Variants in LARP1B observed in about 807,000 individuals in gnomAD.
LARP1B encodes La ribonucleoprotein 1B, also known as la-related protein 1B.
LARP1B carries 76 observed loss-of-function variants against 114.2 expected under a neutral mutation model. That is an observed-to-expected ratio of 0.67 (90% CI 0.55 to 0.81). LARP1B has a LOEUF of 0.81. LARP1B is among the 30% of genes least tolerant of loss of function. The probability of loss-of-function intolerance (pLI) is 0.00; values close to 1 mark genes in which losing one functional copy is unlikely to be tolerated. For synonymous variants in LARP1B, 345 were observed against 348.0 expected (o/e 0.99, Z 0.10); for missense variants, 1,014 against 1,075.8 (o/e 0.94, Z 0.80).
At chr4:128,137,601 A>T (rs1425792401) in intron 11 of LARP1B, among the ~76,000 whole-genome samples, 4 of 151,860 alleles carry the variant, frequency 2.6e-5, no homozygotes, top group Non-Finnish European at 5.9e-5. Flanking sequence ...ATAATTGTAT[A>T]TATTTATGGG....
chr4:128,173,262 C>T (rs892320177), intron 12 of LARP1B, among the ~76,000 whole-genome samples: 1 of 152,072 alleles, frequency 6.6e-6, no homozygotes, highest in Non-Finnish European at 1.5e-5. Context: ...TTACATATGG[C>T]CTCTCGCTGT....
In LARP1B at chr4:128,211,142, A is replaced by T. The variant is rs1240030996; in HGVS notation, c.*1089A>T. 1.1e-6 allele frequency: 1 copy of T among 912,112 alleles called. No individual in the cohort carries two copies. The highest frequency in any genetic ancestry group is 1.8e-5 in the African/African-American group (1 of 55,834). The allele number at this position is 912,112 out of a possible 1,614,324, so 56.5% of individuals were successfully genotyped here. On this transcript the variant is annotated 3_prime_UTR_variant, in exon 20 of 20. Coordinates refer to ENST00000326639, the MANE Select transcript of LARP1B (RefSeq NM_018078.4). ...TAAAGCACTTATTCTGAATTTTTTGAATTGATTTTTAATTATTTTTATTTA... is the reference window on the plus strand; with the variant it reads ...TAAAGCACTTATTCTGAATTTTTTGTATTGATTTTTAATTATTTTTATTTA...
At chr4:128,184,230 G>A (rs777091176) in intron 15 of LARP1B, among the ~76,000 whole-genome samples, 18 of 152,240 alleles carry the variant, frequency 1.2e-4, no homozygotes, top group Non-Finnish European at 2.4e-4. Context: ...GAAAACTTGG[G>A]AACAGAAGAG....
At chr4:128,190,679 C>T (rs1751979583) in intron 15 of LARP1B, among the ~76,000 whole-genome samples, 1 of 152,154 alleles carries the variant, frequency 6.6e-6, no homozygotes, top group South Asian at 2.1e-4. Context: ...TGCTTCCCCT[C>T]CCACCACGAT....
intron 10 of LARP1B, among the ~76,000 whole-genome samples, chr4:128,121,232 G>A (rs1787863692): frequency 6.6e-6 from 1 of 152,246 alleles, no homozygotes; most frequent in Non-Finnish European, 1.5e-5. Flanking sequence ...TATTATCATT[G>A]TGAGGTAAAA....
intron 8 of LARP1B, among the ~76,000 whole-genome samples, chr4:128,106,871 T>C (rs1183939179): frequency 1.3e-5 from 2 of 152,210 alleles, no homozygotes; most frequent in African/African-American, 4.8e-5. Flanking sequence ...AATTTGCTTC[T>C]AGCTGATTCA....
intron 15 of LARP1B, among the ~76,000 whole-genome samples, chr4:128,181,060 T>C (rs1281877220): frequency 6.6e-6 from 1 of 152,230 alleles, no homozygotes; most frequent in Non-Finnish European, 1.5e-5. Flanking sequence ...GGGTCTTTCT[T>C]TGCTTTTTAT....
Position 128,206,492 on chromosome 4 carries a change from ATT to A in LARP1B, c.2378_2379del (p.Phe793SerfsTer32). On this transcript the variant is annotated frameshift_variant, in exon 18 of 20. Transcript: ENST00000326639. LOFTEE classifies it high-confidence loss of function. ...ACTGGAAAAAAAATTCAGGCGAGAAATTTTTCAGGATTTCCAAGAAGAAACCA... is the reference window on the plus strand; with the variant it reads ...ACTGGAAAAAAAATTCAGGCGAGAAATTTCAGGATTTCCAAGAAGAAACCA... Reference protein sequence around the residue: ...YGLEKKFRREIFQDFQEETKK... With the variant: ...YGLEKKFRREXFQDFQEETKK... 6.2e-7 allele frequency: 1 copy of A among 1,613,500 alleles called. No individual in the cohort carries two copies. Among genetic ancestry groups the A allele is most frequent in the Non-Finnish European group, 8.5e-7 (1 of 1,179,838 alleles).
intron 11 of LARP1B, among the ~76,000 whole-genome samples, chr4:128,157,542 C>A (rs1027875319): frequency 3.3e-5 from 5 of 152,090 alleles, no homozygotes; most frequent in Admixed American, 2.0e-4. Context: ...AAAACCTCAT[C>A]AAGACCATAT....
At chr4:128,118,082 A>ATTTTTTTT (rs34699544) in intron 10 of LARP1B, among the ~76,000 whole-genome samples, 10 of 76,734 alleles carry the variant, frequency 1.3e-4, no homozygotes, top group Admixed American at 1.9e-4. Flanking sequence ...GGCCCGGCTA[A>ATTTTTTTT]TTTTTTTTTT....
chr4:128,076,225 G>C (rs564889266), intron 3 of LARP1B, among the ~76,000 whole-genome samples: 1 of 151,776 alleles, frequency 6.6e-6, no homozygotes, highest in Non-Finnish European at 1.5e-5. Flanking sequence ...TGTTGGTCTC[G>C]AACTCCTGAC....
rs1759772029 is a variant in LARP1B, at chr4:128,219,145, A to G, written n.849-1210A>G. Among the ~76,000 whole-genome samples the G allele has an allele frequency of 2.6e-5, 4 of 151,240 alleles. No homozygotes were observed. The South Asian group carries it at 6.3e-4, about 24-fold the overall frequency. On this transcript the variant is annotated intron_variant and non_coding_transcript_variant, in intron 6 of 7. Coordinates refer to the LARP1B transcript ENST00000503725. ...GCAATCATTCAAAAGTCAGGAAACA[A>G]CAGGTGCTGGAGAGGATGTGGAGAA...
chr4:128,089,783 T>G (rs1450300269), intron 5 of LARP1B, among the ~76,000 whole-genome samples: 3 of 151,936 alleles, frequency 2.0e-5, no homozygotes, highest in Non-Finnish European at 4.4e-5. Context: ...TCTTTTTTTT[T>G]TATTCTGAGA....
chr4:128,200,814 C>T, intron 17 of LARP1B, 149 bp downstream of exon 17: 1 of 528,508 alleles, frequency 1.9e-6, no homozygotes, highest in Non-Finnish European at 3.3e-6. Flanking sequence ...GTGAAAGTAG[C>T]ACAATATAAC....
At chr4:128,206,378 A>G (rs904918954) in intron 17 of LARP1B, 50 bp from the exon 18 acceptor site, 4 of 1,049,460 alleles carry the variant, frequency 3.8e-6, no homozygotes, top group Non-Finnish European at 4.1e-6. Flanking sequence ...GATGTTACTA[A>G]CTATAGAGAT....
intron 15 of LARP1B, among the ~76,000 whole-genome samples, chr4:128,194,105 T>C (rs927061035): frequency 6.6e-6 from 1 of 151,958 alleles, no homozygotes; most frequent in Non-Finnish European, 1.5e-5. Context: ...GCAGTTTCAC[T>C]CATGTCGCCC....
intron 11 of LARP1B, among the ~76,000 whole-genome samples, chr4:128,139,007 A>G (rs576844374): frequency 1.9e-4 from 29 of 152,324 alleles, no homozygotes; most frequent in African/African-American, 6.7e-4. Context: ...AACCAAATAT[A>G]GCAGTTTTTT....
At position 128,178,032 on chromosome 4, in the gene LARP1B, A is replaced by G. The variant is rs77032452; in HGVS notation, c.1685-399A>G. ...AATAAAACATGAAAAAAGTTTACAA[A>G]GTGATATATATATATATATATATAT... is the stretch of plus-strand genomic sequence containing the variant. On this transcript the variant is annotated intron_variant, in intron 13 of 19. Coordinates refer to ENST00000326639, the MANE Select transcript of LARP1B (RefSeq NM_018078.4). Among the ~76,000 whole-genome samples, 609 of 127,788 alleles carry G rather than the reference A, an allele frequency of 4.8e-3. 16 individuals carry two copies. In the East Asian group the frequency reaches 0.079, roughly 16 times the overall value. 83.8% of individuals were successfully genotyped at this position (127,788 alleles called of 152,430 possible). A position where few individuals can be genotyped will look rare whatever the true frequency, so the allele number is the denominator to read the frequency against.
chr4:128,145,300 T>C (rs1729859818), intron 11 of LARP1B, among the ~76,000 whole-genome samples: 1 of 152,208 alleles, frequency 6.6e-6, no homozygotes. Context: ...GACCTTATTC[T>C]GTAGCATGGC....
Sources: allele counts gnomAD v4.1 joint callset (sites outside exome capture counted in the v4.1 genomes callset), GRCh38; gene constraint gnomAD v4.1.1; transcripts MANE v1.5; gene names NCBI Gene and HGNC (gene_info 2026-07-23, HGNC 2026-07-21).